The following RBFOX1 variants were observed in gnomAD, a reference collection of about 807,000 sequenced individuals.
RBFOX1 encodes the protein RNA binding protein fox-1 homolog 1.
Under a neutral mutation model 57.7 loss-of-function variants are expected in RBFOX1, and 8 were observed. The ratio of observed to expected loss-of-function variants is 0.14; its 90% confidence interval spans 0.08 to 0.25. The LOEUF (loss-of-function observed/expected upper bound fraction) is 0.25. Ranked by LOEUF, RBFOX1 falls within the 10% of genes least tolerant of loss-of-function variation. RBFOX1 has a pLI of 1.00. For missense variants in RBFOX1, 611 were observed against 548.5 expected, an observed-to-expected ratio of 1.11 and a Z score of -1.14; for synonymous variants, 326 against 222.4, an observed-to-expected ratio of 1.47 and a Z score of -4.15.
chr16:6,256,912 G>A (rs1286759299), intron 1 of RBFOX1, among the ~76,000 whole-genome samples: 13 of 152,074 alleles, frequency 8.5e-5, no homozygotes, highest in Admixed American at 7.9e-4. Flanking sequence ...GAAGGCTGTA[G>A]TAAAACTTAG....
At chr16:6,888,488 A>C (rs1190356197) in intron 3 of RBFOX1, among the ~76,000 whole-genome samples, 1 of 152,150 alleles carries the variant, frequency 6.6e-6, no homozygotes, top group East Asian at 1.9e-4. Flanking sequence ...GGGGGAAATT[A>C]AATTCCCTTG....
intron 4 of RBFOX1, among the ~76,000 whole-genome samples, chr16:7,414,047 C>G (rs1469182739): frequency 1.3e-5 from 2 of 152,344 alleles, no homozygotes; most frequent in East Asian, 1.9e-4. Flanking sequence ...CCTCCAAAGA[C>G]TCTTACTCAT....
intron 4 of RBFOX1, among the ~76,000 whole-genome samples, chr16:7,056,661 TCCAAAG>T (rs1323618403): frequency 6.6e-6 from 1 of 152,176 alleles, no homozygotes; most frequent in Non-Finnish European, 1.5e-5. Flanking sequence ...GGTGGGAGAT[TCCAAAG>T]CCCACCTTTC....
rs899597990 is a variant in RBFOX1, at chr16:6,924,459, G to C, written c.-15-127598G>C. 6.6e-5 allele frequency among the ~76,000 whole-genome samples: 10 copies of C among 152,040 alleles called. No homozygotes were observed. In the South Asian group the frequency reaches 1.0e-3, roughly 16 times the overall value. On this transcript the variant is annotated intron_variant, in intron 3 of 15. Coordinates refer to ENST00000550418, the MANE Select transcript of RBFOX1 (RefSeq NM_018723.4). ...TCACTCATCACTAAGGGGATGGCAGGCACCAAGCCATTCTTGAGGAAGCCA... is the reference window on the plus strand; with the variant it reads ...TCACTCATCACTAAGGGGATGGCAGCCACCAAGCCATTCTTGAGGAAGCCA...
intron 3 of RBFOX1, among the ~76,000 whole-genome samples, chr16:7,040,918 G>C: frequency 1.0e-5 from 1 of 99,574 alleles, no homozygotes. Flanking sequence ...TTGTTTTTTT[G>C]TTTTTTTGCT....
intron 3 of RBFOX1, among the ~76,000 whole-genome samples, chr16:6,960,652 G>A (rs1481296432): frequency 6.6e-6 from 1 of 151,850 alleles, no homozygotes; most frequent in African/African-American, 2.4e-5. Flanking sequence ...CCTCTGTTCT[G>A]GAGACAGGAC....
intron 1 of RBFOX1, among the ~76,000 whole-genome samples, chr16:5,406,934 C>T (rs2066884389): frequency 6.6e-6 from 1 of 152,094 alleles, no homozygotes; most frequent in Non-Finnish European, 1.5e-5. Context: ...GGAGGGAAGT[C>T]AGGAGGGCTT....
At chr16:6,357,812 G>C (rs113857311) in intron 2 of RBFOX1, among the ~76,000 whole-genome samples, 4,123 of 151,984 alleles carry the variant, frequency 0.027, 174 homozygotes, top group African/African-American at 0.091. Flanking sequence ...TTAGCCGGGC[G>C]TGGTGGTGGG....
Position 6,327,227 on chromosome 16 carries a change from TA to T in RBFOX1, c.-64+10171del, listed in dbSNP as rs1217139402. 5.3e-5 allele frequency among the ~76,000 whole-genome samples: 8 copies of T among 152,302 alleles called. No individual in the cohort carries two copies. In the East Asian group the frequency reaches 1.5e-3, roughly 29 times the overall value. On this transcript the variant is annotated intron_variant, in intron 2 of 15. Transcript: ENST00000550418. ...CTGAAGCTGCTTAAGCATTGTTTTTTATTCATGTTGCTCTCTCATTCCCTGC... is the reference window on the plus strand; with the variant it reads ...CTGAAGCTGCTTAAGCATTGTTTTTTTTCATGTTGCTCTCTCATTCCCTGC...
At chr16:5,311,966 G>A (rs2064102266) in intron 1 of RBFOX1, among the ~76,000 whole-genome samples, 1 of 152,156 alleles carries the variant, frequency 6.6e-6, no homozygotes, top group Non-Finnish European at 1.5e-5. Context: ...AGTAAATCAT[G>A]AGCCTTGCAA....
At chr16:6,969,117 C>G (rs1163720364) in intron 3 of RBFOX1, among the ~76,000 whole-genome samples, 2 of 152,132 alleles carry the variant, frequency 1.3e-5, no homozygotes, top group South Asian at 4.2e-4. Context: ...GTTAAGAGTA[C>G]TGCGTGTGAA....
rs180996733 is a variant in RBFOX1, at chr16:6,741,183, T to C, written c.-16+86533T>C. Among the ~76,000 whole-genome samples the C allele has an allele frequency of 8.5e-5, 13 of 152,190 alleles. No homozygotes were observed. The East Asian group carries it at 2.1e-3, about 25-fold the overall frequency. ...CTATTTATAGGCAAAATAATAATAA[T>C]AAATAATAAATCTTGACCTAAACTT... On this transcript the variant is annotated intron_variant, in intron 3 of 15. Coordinates refer to ENST00000550418, the MANE Select transcript of RBFOX1 (RefSeq NM_018723.4).
intron 3 of RBFOX1, among the ~76,000 whole-genome samples, chr16:6,970,530 G>A (rs1332228825): frequency 6.6e-6 from 1 of 152,128 alleles, no homozygotes; most frequent in Non-Finnish European, 1.5e-5. Context: ...TAGATTCAGT[G>A]TCCGGTGAGG....
chr16:7,587,169 G>A (rs1430710422), intron 6 of RBFOX1, 78 bp from the exon 7 acceptor site: 1 of 1,325,076 alleles, frequency 7.5e-7, no homozygotes, highest in African/African-American at 1.5e-5. Flanking sequence ...AATGGACGTG[G>A]GAAACAATTA....
At chr16:7,115,006 C>G (rs1038243857) in intron 4 of RBFOX1, among the ~76,000 whole-genome samples, 1 of 152,190 alleles carries the variant, frequency 6.6e-6, no homozygotes, top group Non-Finnish European at 1.5e-5. Flanking sequence ...AGCGTATTTA[C>G]TCTTTAGCTC....
rs201371605 is a variant in RBFOX1, at chr16:5,392,126, CAG to C, written c.220-75089_220-75088del. 7.8e-3 allele frequency among the ~76,000 whole-genome samples: 1,193 copies of C among 151,986 alleles called. 18 individuals are homozygous for C. Among genetic ancestry groups the C allele is most frequent in the African/African-American group, 0.027 (1,104 of 41,422 alleles). Reference sequence around the variant, plus strand: ...AATGATACAATGGACTTTGGGGACTCAGGGGGAAAGGATGGGAGGAGGATGAG... The same window carrying C: ...AATGATACAATGGACTTTGGGGACTCGGGGAAAGGATGGGAGGAGGATGAG... On this transcript the variant is annotated intron_variant, in intron 1 of 2. Transcript: ENST00000585867.
At chr16:6,994,282 T>C (rs191911689) in intron 3 of RBFOX1, among the ~76,000 whole-genome samples, 1 of 152,174 alleles carries the variant, frequency 6.6e-6, no homozygotes, top group Non-Finnish European at 1.5e-5. Flanking sequence ...GCCTTCCGAC[T>C]TAATGAAGCC....
At chr16:7,439,770 C>A (rs544202135) in intron 4 of RBFOX1, among the ~76,000 whole-genome samples, 1 of 152,002 alleles carries the variant, frequency 6.6e-6, no homozygotes, top group African/African-American at 2.4e-5. Flanking sequence ...GAGCATCTAC[C>A]GCCAAATTTA....
At chr16:6,587,886 G>A (rs1341401763) in intron 2 of RBFOX1, among the ~76,000 whole-genome samples, 2 of 152,012 alleles carry the variant, frequency 1.3e-5, no homozygotes, top group African/African-American at 4.8e-5. Context: ...AAAATTACAG[G>A]CACCATGAAC....
Sources: gnomAD v4.1 joint callset for allele counts (sites outside exome capture counted in the v4.1 genomes callset) on GRCh38, gnomAD v4.1.1 for gene constraint, MANE v1.5 for transcripts, NCBI Gene and HGNC (gene_info 2026-07-23, HGNC 2026-07-21) for gene names.